TNPO2: variants seen among roughly 807,000 people sequenced by gnomAD.
TNPO2 encodes transportin-2.
In TNPO2, 16 loss-of-function variants were observed where a neutral mutation model predicts 111.1. The observed-to-expected ratio is 0.14, with a 90% confidence interval of 0.10 to 0.22. The LOEUF (loss-of-function observed/expected upper bound fraction) is 0.22, where lower values mean the gene tolerates loss of function less well. TNPO2 is among the 10% of genes least tolerant of loss of function. The pLI, the probability that TNPO2 is intolerant of heterozygous loss-of-function variation, is 1.00. For missense variants in TNPO2, 530 were observed against 1,173.7 expected, an observed-to-expected ratio of 0.45 and a Z score of 8.01; for synonymous variants, 481 against 475.8, an observed-to-expected ratio of 1.01 and a Z score of -0.14.
rs750197979 is a variant in TNPO2, at chr19:12,711,511, C to A, written c.951+42G>T. On this transcript the variant is annotated intron_variant, in intron 11 of 25. Coordinates refer to ENST00000425528, the MANE Select transcript of TNPO2 (RefSeq NM_001382241.1). Reference sequence around the variant, plus strand: ...TACTTTGGGGACCACAGCCGCGACACCCACGCCCATGCCCACCCATGCTGG... The same window carrying A: ...TACTTTGGGGACCACAGCCGCGACAACCACGCCCATGCCCACCCATGCTGG... The A allele has an allele frequency of 4.3e-6, 7 of 1,613,774 alleles. No individual in the cohort carries two copies. The Admixed American group carries it at 8.3e-5, about 19-fold the overall frequency.
rs970987651 is a variant in TNPO2 at position 12,706,971 on chromosome 19, C to G, written c.1271-176G>C. Among the ~76,000 whole-genome samples, 5 of 152,178 alleles carry G rather than the reference C, an allele frequency of 3.3e-5. No individual in the cohort carries two copies. The highest frequency in any genetic ancestry group is 5.9e-5 in the Non-Finnish European group (4 of 68,024). Reference sequence around the variant, plus strand: ...AAGGCAGGCACAGGAGGGGAAACAACAGAAGCCTCTCATCCCAAAGCCCCG... The same window carrying G: ...AAGGCAGGCACAGGAGGGGAAACAAGAGAAGCCTCTCATCCCAAAGCCCCG... On this transcript the variant is annotated intron_variant, in intron 13 of 25. Transcript: ENST00000425528. The surrounding 1 kb of genome is among the most constrained non-coding windows in gnomAD (Gnocchi z 7.0).
chr19:12,706,285 A>G lies in TNPO2; in HGVS notation c.1579T>C (p.Phe527Leu). ...SYILDTLVFAFGKYQHKNLLI... is the reference protein window; with the variant it reads ...SYILDTLVFALGKYQHKNLLI... ...AGGTTCTTGTGCTGGTATTTCCCAA[A>G]GGCAAAGACAAGGGTGTCCAGGATG... The change falls in exon 15 of 26, where the codon TTT becomes CTT. Residue 527 changes from phenylalanine (F) to leucine (L), a missense_variant. By Grantham distance (22) the Phe-to-Leu change is conservative. Coordinates refer to ENST00000425528, the MANE Select transcript of TNPO2 (RefSeq NM_001382241.1). This position sits in a 1 kb window ranked among gnomAD's most constrained non-coding sequence, Gnocchi z 7.0. The G allele has an allele frequency of 6.2e-7, 1 of 1,614,006 alleles. No homozygotes were observed. Among genetic ancestry groups the G allele is most frequent in the Non-Finnish European group, 8.5e-7 (1 of 1,179,886 alleles).
At chr19:12,712,761 T>C (rs7245489) in intron 10 of TNPO2, among the ~76,000 whole-genome samples, 21,783 of 152,140 alleles carry the variant, frequency 0.14, 4,737 homozygotes, top group African/African-American at 0.47. Flanking sequence ...GCCAGACATT[T>C]GGGGTCACTA....
At position 12,706,456 on chromosome 19, in the gene TNPO2, A is replaced by G. The variant is rs1366803877; in HGVS notation, c.1497-89T>C. 6.3e-7 allele frequency: 1 copy of G among 1,580,952 alleles called. No individual in the cohort carries two copies. The highest frequency in any genetic ancestry group is 1.1e-5 in the South Asian group (1 of 90,328). ...CAGTTGGGGAGGGCAACTCAGGATC[A>G]GCCAGTACGAATACGCGATAAATCA... On this transcript the variant is annotated intron_variant, in intron 14 of 25. Transcript: ENST00000425528. This position sits in a 1 kb window ranked among gnomAD's most constrained non-coding sequence, Gnocchi z 7.0.
At chr19:12,720,805 T>C in intron 3 of TNPO2, 74 bp downstream of exon 3, 1 of 1,508,978 alleles carries the variant, frequency 6.6e-7, no homozygotes, top group Non-Finnish European at 8.8e-7. Context: ...TCAGTCCCTC[T>C]CTTTCTCTCT....
At chr19:12,711,224 G>A in intron 12 of TNPO2, 72 bp downstream of exon 12, 1 of 1,560,564 alleles carries the variant, frequency 6.4e-7, no homozygotes, top group East Asian at 2.3e-5. Flanking sequence ...TTCTGCCTCA[G>A]CTTCTAGTCA....
intron 13 of TNPO2, among the ~76,000 whole-genome samples, chr19:12,708,733 C>T (rs1410269670): frequency 5.9e-5 from 9 of 152,032 alleles, no homozygotes; most frequent in South Asian, 2.1e-4. Context: ...CAGCCAGGTG[C>T]GGTGGTGGAC....
chr19:12,714,935 A>G lies in TNPO2; in HGVS notation c.776T>C (p.Met259Thr). The stretch of plus-strand genomic sequence containing the variant: ...ATCATGGTCCTGGGTCCTCTGCAGC[A>G]TGTACTGTGGTAGGGGGGAGAAGCT... ...IPHMHSIIQY[M>T]LQRTQDHDEN... Residue 259 changes from methionine to threonine, a missense_variant, in exon 10 of 26, where the codon ATG becomes ACG. Met to Thr is a moderately conservative substitution (Grantham distance 81, BLOSUM62 -1). Coordinates refer to ENST00000425528, the MANE Select transcript of TNPO2 (RefSeq NM_001382241.1). 1.2e-6 allele frequency: 2 copies of G among 1,612,086 alleles called. No individual in the cohort carries two copies. The highest frequency in any genetic ancestry group is 1.7e-6 in the Non-Finnish European group (2 of 1,179,102).
intron 10 of TNPO2, 108 bp from the exon 11 acceptor site, chr19:12,711,721 C>T (rs894149668): frequency 1.0e-5 from 9 of 884,692 alleles, no homozygotes; most frequent in African/African-American, 1.6e-5. Flanking sequence ...GACCAGCCCC[C>T]CAATCAGCCA....
chr19:12,704,612 G>A (rs2025525372), intron 18 of TNPO2, among the ~76,000 whole-genome samples: 1 of 152,196 alleles, frequency 6.6e-6, no homozygotes, highest in South Asian at 2.1e-4. Flanking sequence ...ATCTTGGGAT[G>A]TAGAACCCAC....
At chr19:12,718,719 AG>A (rs1212737866) in intron 5 of TNPO2, among the ~76,000 whole-genome samples, 2 of 152,198 alleles carry the variant, frequency 1.3e-5, no homozygotes, top group African/African-American at 2.4e-5. Flanking sequence ...CTATACCCTT[AG>A]CACTCAGCCC....
At position 12,701,607 on chromosome 19, in the gene TNPO2, C is replaced by T; in HGVS notation, c.2577G>A (p.Met859Ile). The T allele has an allele frequency of 6.2e-7, 1 of 1,613,834 alleles. No homozygotes were observed. Among genetic ancestry groups the T allele is most frequent in the Non-Finnish European group, 8.5e-7 (1 of 1,179,868 alleles). Residue 859 changes from methionine (M) to isoleucine (I), a missense_variant, in exon 24 of 26, where the codon ATG (methionine) becomes ATA (isoleucine). Met to Ile is a conservative substitution (Grantham distance 10). Coordinates refer to ENST00000425528, the MANE Select transcript of TNPO2 (RefSeq NM_001382241.1). The surrounding 1 kb of genome is among the most constrained non-coding windows in gnomAD (Gnocchi z 5.0). ...WVSPKDDLRD[M>I]FYKILHGFKD... ...CCAGACAGAGCCTCACCTTATAAAA[C>T]ATGTCCCGAAGGTCATCCTTCGGGC...
chr19:12,707,485 T>C (rs2025760731), intron 13 of TNPO2, among the ~76,000 whole-genome samples: 1 of 98,264 alleles, frequency 1.0e-5, no homozygotes, highest in Non-Finnish European at 2.0e-5. Context: ...TTTTCTTTTT[T>C]TTTTTTTTTT....
intron 10 of TNPO2, among the ~76,000 whole-genome samples, chr19:12,714,336 G>A (rs1345652652): frequency 4.1e-5 from 6 of 144,794 alleles, no homozygotes; most frequent in Non-Finnish European, 7.5e-5. Flanking sequence ...TTTTTGAGAC[G>A]GAGTTTTGCT....
chr19:12,718,197 C>A (rs542708676), intron 5 of TNPO2, among the ~76,000 whole-genome samples: 3 of 146,532 alleles, frequency 2.0e-5, no homozygotes, highest in Admixed American at 2.0e-4. Context: ...GATGGAGTCT[C>A]GTTGTATTGC....
intron 18 of TNPO2, among the ~76,000 whole-genome samples, chr19:12,704,682 T>C (rs1476376797): frequency 0.016 from 1 of 64 alleles, no homozygotes; most frequent in Non-Finnish European, 0.033. Context: ...TTCTATTTTC[T>C]TTTCTTTCTT....
intron 20 of TNPO2, 109 bp downstream of exon 20, chr19:12,703,319 C>T (rs1449223489): frequency 3.0e-6 from 3 of 989,846 alleles, no homozygotes; most frequent in African/African-American, 3.2e-5. Flanking sequence ...CCCCTGACGA[C>T]CCCCAAGAGA....
intron 10 of TNPO2, among the ~76,000 whole-genome samples, chr19:12,712,253 C>T (rs1447934390): frequency 6.6e-6 from 1 of 152,180 alleles, no homozygotes; most frequent in African/African-American, 2.4e-5. Context: ...GGAAGACGCC[C>T]GTTACCAGGC....
intron 20 of TNPO2, 148 bp downstream of exon 20, chr19:12,703,280 A>C: frequency 1.5e-6 from 1 of 677,412 alleles, no homozygotes; most frequent in South Asian, 1.8e-5. Context: ...AGAGAAGCCA[A>C]TCACAAATGA....
Sources: allele counts gnomAD v4.1 joint callset (sites outside exome capture counted in the v4.1 genomes callset), GRCh38; gene constraint gnomAD v4.1.1; non-coding constraint Gnocchi (gnomAD v3.1); transcripts MANE v1.5; gene names NCBI Gene and HGNC (gene_info 2026-07-23, HGNC 2026-07-21).